TBC1D32: variants seen among roughly 807,000 people sequenced by gnomAD.
The protein encoded by TBC1D32 is TBC1 domain family member 32.
In TBC1D32, 151 loss-of-function variants were observed where a neutral mutation model predicts 170.3. The observed-to-expected ratio is 0.89, with a 90% CI of 0.78 to 1.01. TBC1D32 has a LOEUF of 1.01. Ranked by LOEUF, TBC1D32 falls within the 50% of genes least tolerant of loss-of-function variation. TBC1D32 has a pLI of 0.00. For missense variants in TBC1D32, 1,464 were observed against 1,457.1 expected (o/e 1.00, Z -0.08); for synonymous variants, 498 against 488.0 (o/e 1.02, Z -0.27).
At chr6:121,324,145 G>T (rs1810138931) in intron 1 of TBC1D32, among the ~76,000 whole-genome samples, 1 of 152,020 alleles carries the variant, frequency 6.6e-6, no homozygotes, top group Non-Finnish European at 1.5e-5. Context: ...TAATCCCAGA[G>T]TCCCAAAGAT....
intron 22 of TBC1D32, among the ~76,000 whole-genome samples, chr6:121,196,563 C>T (rs1040362336): frequency 7.3e-4 from 111 of 152,174 alleles, no homozygotes; most frequent in Admixed American, 7.2e-3. Flanking sequence ...AATGCCTTAT[C>T]CACTATCATG....
chr6:121,216,338 A>AG (rs1793818859), intron 21 of TBC1D32, among the ~76,000 whole-genome samples: 3 of 152,106 alleles, frequency 2.0e-5, no homozygotes, highest in African/African-American at 2.4e-5. Flanking sequence ...AAGGCAGCCT[A>AG]TTGTGCCTTC....
chr6:121,272,331 A>T (rs1187962095), intron 15 of TBC1D32, among the ~76,000 whole-genome samples: 8 of 152,068 alleles, frequency 5.3e-5, no homozygotes, highest in South Asian at 2.1e-4. Context: ...ACCTACAGAA[A>T]GGGAGAAACT....
At chr6:121,233,325 T>C (rs1189955902) in intron 20 of TBC1D32, among the ~76,000 whole-genome samples, 2 of 152,144 alleles carry the variant, frequency 1.3e-5, no homozygotes, top group Non-Finnish European at 2.9e-5. Context: ...TCCACACTAT[T>C]ATTGTGTTGC....
At chr6:121,241,335 A>G (rs1237982170) in intron 19 of TBC1D32, 130 bp downstream of exon 19, 4 of 716,646 alleles carry the variant, frequency 5.6e-6, no homozygotes, top group Non-Finnish European at 9.0e-6. Context: ...TCTTTTACAT[A>G]AGGTCTAACT....
intron 29 of TBC1D32, among the ~76,000 whole-genome samples, chr6:121,108,629 C>T (rs1327422491): frequency 1.3e-5 from 2 of 151,788 alleles, no homozygotes; most frequent in Non-Finnish European, 2.9e-5. Flanking sequence ...CTGTATATTA[C>T]TTTAGTGATT....
At chr6:121,110,775 C>T (rs918679511) in intron 29 of TBC1D32, among the ~76,000 whole-genome samples, 1 of 152,062 alleles carries the variant, frequency 6.6e-6, no homozygotes, top group Non-Finnish European at 1.5e-5. Flanking sequence ...GATTGTTAGT[C>T]AAAAACATTT....
intron 15 of TBC1D32, among the ~76,000 whole-genome samples, chr6:121,259,467 T>G (rs1024709676): frequency 6.6e-6 from 1 of 152,188 alleles, no homozygotes; most frequent in African/African-American, 2.4e-5. Flanking sequence ...TTAGTCTTCC[T>G]AATTTTAAAA....
chr6:121,203,337 C>T (rs1791838867), intron 22 of TBC1D32, among the ~76,000 whole-genome samples: 1 of 151,110 alleles, frequency 6.6e-6, no homozygotes, highest in Admixed American at 6.6e-5. Context: ...TGTTAAAAAG[C>T]CAATAAGGTT....
chr6:121,081,235 T>G (rs568861258), intron 31 of TBC1D32, among the ~76,000 whole-genome samples: 21 of 152,188 alleles, frequency 1.4e-4, no homozygotes, highest in Non-Finnish European at 2.4e-4. Flanking sequence ...ACCCTAAAAC[T>G]TATCTACCAA....
At chr6:121,162,679 C>A (rs1453599747) in intron 22 of TBC1D32, among the ~76,000 whole-genome samples, 3 of 152,138 alleles carry the variant, frequency 2.0e-5, no homozygotes, top group Non-Finnish European at 4.4e-5. Flanking sequence ...GCTTCTTAAG[C>A]TGACAAGCAA....
chr6:121,138,560 C>A (rs960911513), intron 24 of TBC1D32, among the ~76,000 whole-genome samples: 3 of 152,164 alleles, frequency 2.0e-5, no homozygotes, highest in Admixed American at 2.0e-4. Context: ...CTCAGTCATA[C>A]TACCACTTCC....
At chr6:121,296,175 G>C (rs912933876) in intron 10 of TBC1D32, among the ~76,000 whole-genome samples, 1 of 152,106 alleles carries the variant, frequency 6.6e-6, no homozygotes, top group Admixed American at 6.6e-5. Flanking sequence ...ATTCTAGTGG[G>C]AAAAAGACTC....
chr6:121,279,282 T>C (rs753147750), intron 14 of TBC1D32, 37 bp from the exon 15 acceptor site: 89 of 1,591,844 alleles, frequency 5.6e-5, no homozygotes, highest in Non-Finnish European at 7.2e-5. Flanking sequence ...AATCACATAA[T>C]TTTATGACAT....
chr6:121,304,725 A>G, intron 6 of TBC1D32, 30 bp downstream of exon 6: 2 of 1,563,804 alleles, frequency 1.3e-6, no homozygotes, highest in Non-Finnish European at 1.7e-6. Context: ...AAATGACAAA[A>G]AACATTTTTA....
At chr6:121,174,300 C>T (rs1787456469) in intron 22 of TBC1D32, among the ~76,000 whole-genome samples, 1 of 151,838 alleles carries the variant, frequency 6.6e-6, no homozygotes, top group African/African-American at 2.4e-5. Context: ...GAAGAGAAAA[C>T]TGAAATAATC....
chr6:121,148,743 A>G (rs1783811687), intron 24 of TBC1D32, among the ~76,000 whole-genome samples: 3 of 152,090 alleles, frequency 2.0e-5, no homozygotes, highest in Admixed American at 1.3e-4. Flanking sequence ...CCTCCCGGGT[A>G]GCTGGGATTA....
intron 15 of TBC1D32, among the ~76,000 whole-genome samples, chr6:121,257,156 C>T (rs1422313160): frequency 6.6e-6 from 1 of 152,094 alleles, no homozygotes; most frequent in Non-Finnish European, 1.5e-5. Flanking sequence ...TGTCATTTAA[C>T]TTTTTTCTCT....
At chr6:121,129,924 A>G (rs1451371626) in intron 25 of TBC1D32, 1 of 451,416 alleles carries the variant, frequency 2.2e-6, no homozygotes, top group Admixed American at 2.4e-5. Context: ...AATTGGGAGC[A>G]CTAAAATTTA....
Sources: gnomAD v4.1 joint callset for allele counts (sites outside exome capture counted in the v4.1 genomes callset) on GRCh38, gnomAD v4.1.1 for gene constraint, MANE v1.5 for transcripts, NCBI Gene and HGNC (gene_info 2026-07-23, HGNC 2026-07-21) for gene names.